Variants in NRK observed in about 807,000 individuals in gnomAD.
The protein encoded by NRK is nik-related protein kinase.
NRK carries 67 observed loss-of-function variants against 125.2 expected under a neutral mutation model. The observed-to-expected ratio is 0.54, with a 90% CI of 0.44 to 0.66. NRK has a LOEUF of 0.66. Among genes scored for constraint, NRK ranks in the 30% least tolerant of loss-of-function variants. The pLI is 0.00. For synonymous variants in NRK, 458 were observed against 429.0 expected, an observed-to-expected ratio of 1.07 and a Z score of -0.84; for missense variants, 1,224 against 1,192.9, an observed-to-expected ratio of 1.03 and a Z score of -0.38.
chrX:105,921,900 C>A (rs2040454959), intron 16 of NRK, 64 bp from the exon 17 acceptor site: 3 of 519,027 alleles, frequency 5.8e-6, no homozygotes, highest in Non-Finnish European at 1.0e-5. Flanking sequence ...AACTGATACA[C>A]TATACATATG....
chrX:105,870,636 T>C (rs73533116), intron 2 of NRK, among the ~76,000 whole-genome samples: 6,776 of 111,692 alleles, frequency 0.061, 536 homozygotes, highest in African/African-American at 0.21. Flanking sequence ...AGAGAGCAGC[T>C]CTATGTGCAA....
chrX:105,928,768 A>G (rs1419154121), intron 19 of NRK, among the ~76,000 whole-genome samples: 1 of 111,184 alleles, frequency 9.0e-6, no homozygotes, highest in Non-Finnish European at 1.9e-5. Flanking sequence ...TATATTTTTA[A>G]TTTCCATATA....
At chrX:105,890,146 A>G (rs990229774) in intron 5 of NRK, among the ~76,000 whole-genome samples, 2 of 111,619 alleles carry the variant, frequency 1.8e-5, no homozygotes, top group African/African-American at 6.5e-5. Context: ...AAAGTTCCAC[A>G]TATCTCTAGG....
At chrX:105,904,771 A>G (rs751974848) in intron 9 of NRK, among the ~76,000 whole-genome samples, 14 of 111,060 alleles carry the variant, frequency 1.3e-4, no homozygotes, top group Non-Finnish European at 2.5e-4. Flanking sequence ...CAGTTGCACT[A>G]TACCTATTTT....
intron 26 of NRK, chrX:105,948,777 CTT>C (rs77813783): frequency 5.9e-3 from 2,213 of 377,139 alleles, no homozygotes; most frequent in African/African-American, 8.8e-3. Context: ...TAGTTTCTGA[CTT>C]TTTTTTTTTT....
chrX:105,907,539 C>G (rs1207259626), intron 11 of NRK: 1 of 111,760 alleles, frequency 8.9e-6, no homozygotes, highest in African/African-American at 3.3e-5. Context: ...ATTCAGCCAA[C>G]TTTACAGAGG....
chrX:105,864,856 C>G (rs973100418), intron 2 of NRK, among the ~76,000 whole-genome samples: 5 of 110,694 alleles, frequency 4.5e-5, no homozygotes, highest in Non-Finnish European at 9.5e-5. Context: ...TTTCTCTTCT[C>G]TCTCCTCTCC....
chrX:105,848,026 A>G (rs1340438802), intron 2 of NRK, among the ~76,000 whole-genome samples: 1 of 112,359 alleles, frequency 8.9e-6, no homozygotes, highest in Non-Finnish European at 1.9e-5. Flanking sequence ...TGTTATTAGC[A>G]TTGCAAGTGG....
intron 16 of NRK, among the ~76,000 whole-genome samples, chrX:105,920,880 G>A (rs1194869399): frequency 1.0e-5 from 1 of 97,262 alleles, no homozygotes; most frequent in Non-Finnish European, 2.1e-5. Flanking sequence ...TACACTGTTG[G>A]TGGGACTGTA....
rs776355466 is a variant in NRK, at chrX:105,957,369, A to G, written c.*1769A>G. 9.0e-6 allele frequency: 1 copy of G among 111,270 alleles called. No homozygotes were observed. Among genetic ancestry groups the G allele is most frequent in the Non-Finnish European group, 1.9e-5 (1 of 52,975 alleles). 9.2% of individuals were successfully genotyped at this position (111,270 alleles called of 1,213,427 possible). Reference sequence around the variant, plus strand: ...TTTGTACACCAAAAGGCCATGGGGAACTTTGTGCAAGTACCTCATCGCTGA... The same window carrying G: ...TTTGTACACCAAAAGGCCATGGGGAGCTTTGTGCAAGTACCTCATCGCTGA... On this transcript the variant is annotated 3_prime_UTR_variant, in exon 29 of 29. Transcript: ENST00000243300.
chrX:105,919,084 T>G (rs1326980910), intron 16 of NRK, among the ~76,000 whole-genome samples: 4 of 108,571 alleles, frequency 3.7e-5, no homozygotes, highest in Non-Finnish European at 5.7e-5. Flanking sequence ...TTCAGTGTAA[T>G]GTTCTCAAAG....
chrX:105,912,974 A>G (rs2040321247), intron 14 of NRK, among the ~76,000 whole-genome samples: 1 of 112,340 alleles, frequency 8.9e-6, no homozygotes, highest in Non-Finnish European at 1.9e-5. Flanking sequence ...TGAAACTATT[A>G]CATGTTAACA....
In NRK at chrX:105,917,586, A is replaced by G. The variant is rs2040382551; in HGVS notation, c.2426A>G (p.Gln809Arg). 1 of 1,153,592 alleles carries G rather than the reference A, an allele frequency of 8.7e-7. No individual in the cohort carries two copies. Among genetic ancestry groups the G allele is most frequent in the East Asian group, 3.1e-5 (1 of 31,913 alleles). Residue 809 changes from glutamine to arginine, a missense_variant, in exon 16 of 29, where the codon CAG becomes CGG. By Grantham distance (43) the Gln-to-Arg change is conservative. Transcript: ENST00000243300. ...TTCTGTCTTTTCATTAGCGTTCCTC[A>G]GCGGTCTCTTTTGGAACAAGCTCAG... ...HHVKFSSSVP[Q>R]RSLLEQAQKP...
At chrX:105,872,701 C>G (rs138917187) in intron 2 of NRK, among the ~76,000 whole-genome samples, 1,733 of 111,476 alleles carry the variant, frequency 0.016, 36 homozygotes, top group African/African-American at 0.053. Context: ...TGAAAACTTT[C>G]AAATACTAAC....
chrX:105,887,636 C>T (rs183342230), intron 4 of NRK, among the ~76,000 whole-genome samples: 1 of 111,881 alleles, frequency 8.9e-6, no homozygotes, highest in East Asian at 2.8e-4. Flanking sequence ...GAATGGTAAA[C>T]CAAAAGCAAT....
intron 2 of NRK, among the ~76,000 whole-genome samples, chrX:105,832,617 G>T (rs764578302): frequency 1.8e-5 from 2 of 110,824 alleles, no homozygotes; most frequent in African/African-American, 3.3e-5. Context: ...AGAAAAGGGT[G>T]CCTTTTTTCT....
At chrX:105,910,088 T>G (rs2147750027) in intron 13 of NRK, among the ~76,000 whole-genome samples, 1 of 112,188 alleles carries the variant, frequency 8.9e-6, no homozygotes, top group Admixed American at 9.5e-5. Context: ...TTTTTCAGTA[T>G]CTCTACTGAA....
chrX:105,830,884 C>T (rs1039342522), intron 1 of NRK, among the ~76,000 whole-genome samples, 170 bp from the exon 2 acceptor site: 9 of 108,795 alleles, frequency 8.3e-5, no homozygotes, highest in African/African-American at 3.0e-4. Flanking sequence ...ATGTAAATGA[C>T]GAGTTAATGG....
Position 105,906,396 on chromosome X carries a change from CTT to C in NRK, c.846-16_846-15del, listed in dbSNP as rs768489211. The C allele has an allele frequency of 8.3e-6, 9 of 1,088,257 alleles. No individual in the cohort carries two copies. Among genetic ancestry groups the C allele is most frequent in the Non-Finnish European group, 1.1e-5 (9 of 811,647 alleles). The allele number at this position is 1,088,257 out of a possible 1,213,427, so 89.7% of individuals were successfully genotyped here. On this transcript the variant is annotated splice_polypyrimidine_tract_variant and intron_variant, in intron 10 of 28. Coordinates refer to ENST00000243300, the MANE Select transcript of NRK (RefSeq NM_198465.4). ...GACTGAGAACACTTTTTTTTCCTCT[CTT>C]TGACTCATTTTTTAGGTCCCGTAAG...
Sources: allele counts gnomAD v4.1 joint callset (sites outside exome capture counted in the v4.1 genomes callset), GRCh38; gene constraint gnomAD v4.1.1; transcripts MANE v1.5; gene names NCBI Gene and HGNC (gene_info 2026-07-23, HGNC 2026-07-21).